LAMA4: variants seen among roughly 807,000 people sequenced by gnomAD.
LAMA4 encodes laminin subunit alpha 4, also known as laminin subunit alpha-4.
Under a neutral mutation model 207.1 loss-of-function variants are expected in LAMA4, and 127 were observed. The observed-to-expected ratio is 0.61, with a 90% confidence interval of 0.53 to 0.71. The LOEUF (loss-of-function observed/expected upper bound fraction) is 0.71, where lower values mean the gene tolerates loss of function less well. Among genes scored for constraint, LAMA4 ranks in the 30% least tolerant of loss-of-function variants. The pLI is 0.00. For missense variants in LAMA4, 2,093 were observed against 2,246.5 expected, an observed-to-expected ratio of 0.93 and a Z score of 1.38; for synonymous variants, 761 against 816.0, an observed-to-expected ratio of 0.93 and a Z score of 1.15.
At chr6:112,122,734 C>T (rs1421450691) in intron 31 of LAMA4, among the ~76,000 whole-genome samples, 3 of 152,132 alleles carry the variant, frequency 2.0e-5, no homozygotes, top group Non-Finnish European at 4.4e-5. Flanking sequence ...AATTTTTAAA[C>T]ACATTGTGCT....
At chr6:112,148,477 G>A in intron 17 of LAMA4, 141 bp from the exon 18 acceptor site, 1 of 770,658 alleles carries the variant, frequency 1.3e-6, no homozygotes. Context: ...GGATAACCAT[G>A]TGGCTCACCG....
Position 112,165,170 on chromosome 6 carries a change from T to C in LAMA4, c.1658A>G (p.Asp553Gly). 1 of 1,598,014 alleles carries C rather than the reference T, an allele frequency of 6.3e-7. No individual in the cohort carries two copies. Among genetic ancestry groups the C allele is most frequent in the Non-Finnish European group, 8.6e-7 (1 of 1,165,340 alleles). Residue 553 changes from aspartate to glycine, a missense_variant, in exon 13 of 39, where the codon GAT becomes GGT. Physicochemically the swap from Asp to Gly is moderately conservative, Grantham distance 94. Coordinates refer to ENST00000230538, the MANE Select transcript of LAMA4 (RefSeq NM_001105206.3). ...TPRLTLSELDDIIKNASGIYA... is the reference protein window; with the variant it reads ...TPRLTLSELDGIIKNASGIYA... ...CACGTGCGTCCTTACCTTTATTATATCATCAAGTTCTGAAAGAGTTAGACG... is the reference window on the plus strand; with the variant it reads ...CACGTGCGTCCTTACCTTTATTATACCATCAAGTTCTGAAAGAGTTAGACG...
chr6:112,184,378 G>A lies in LAMA4; in HGVS notation c.1077+859C>T, dbSNP rs534715834. Among the ~76,000 whole-genome samples the A allele has an allele frequency of 3.9e-4, 59 of 151,284 alleles. 1 individual carries two copies. In the South Asian group the frequency reaches 8.8e-3, roughly 22 times the overall value. ...TCTAATATGCTAAATATGGTGCCTC[G>A]TGACTTAGTTTGTAAAATTAGTATA... On this transcript the variant is annotated intron_variant, in intron 9 of 38. Transcript: ENST00000230538.
intron 16 of LAMA4, among the ~76,000 whole-genome samples, chr6:112,150,944 A>C (rs1562665960): frequency 1.3e-5 from 2 of 152,076 alleles, no homozygotes; most frequent in African/African-American, 4.8e-5. Context: ...AAAGAAAAAA[A>C]TCTCTCTCTC....
chr6:112,133,279 G>T, intron 27 of LAMA4, 70 bp downstream of exon 27: 1 of 1,536,644 alleles, frequency 6.5e-7, no homozygotes, highest in Non-Finnish European at 9.0e-7. Flanking sequence ...AAGCTGAAAA[G>T]AACTTTTCCA....
At chr6:112,124,471 CTT>C (rs1778560176) in intron 31 of LAMA4, among the ~76,000 whole-genome samples, 1 of 152,214 alleles carries the variant, frequency 6.6e-6, no homozygotes, top group Non-Finnish European at 1.5e-5. Context: ...CATTCACACT[CTT>C]AGTAATGATA....
intron 38 of LAMA4, among the ~76,000 whole-genome samples, chr6:112,111,179 G>C (rs150835207): frequency 6.6e-6 from 1 of 152,160 alleles, no homozygotes; most frequent in African/African-American, 2.4e-5. Flanking sequence ...TAGCTGGAGG[G>C]ATTACAGGCA....
Position 112,175,325 on chromosome 6 carries a change from C to T in LAMA4, c.1345G>A (p.Glu449Lys). 1 of 1,614,074 alleles carries T rather than the reference C, an allele frequency of 6.2e-7. No individual in the cohort carries two copies. The highest frequency in any genetic ancestry group is 8.5e-7 in the Non-Finnish European group (1 of 1,179,970). The change falls in exon 11 of 39, where the codon GAG becomes AAG. Residue 449 changes from glutamate to lysine, a missense_variant. Glu to Lys is a moderately conservative substitution (Grantham distance 56, BLOSUM62 1). Around this residue, in one of 3 missense-constraint regions of LAMA4, gnomAD observed 1,704 missense variants for 1,788.4 expected, o/e 0.95. Coordinates refer to ENST00000230538, the MANE Select transcript of LAMA4 (RefSeq NM_001105206.3). ...QRELVDEEADEAYELLSQAES... is the reference protein window; with the variant it reads ...QRELVDEEADKAYELLSQAES... The stretch of plus-strand genomic sequence containing the variant: ...GGAATACACCTACGTTCGTAAGCCT[C>T]ATCTGCCTCCTCATCCACGAGCTCC...
intron 8 of LAMA4, 150 bp from the exon 9 acceptor site, chr6:112,185,497 T>C: frequency 1.6e-6 from 1 of 637,058 alleles, no homozygotes; most frequent in Non-Finnish European, 2.8e-6. Context: ...CAGCCTGATA[T>C]GAAGGGTGGG....
rs782195545 is a variant in LAMA4, at chr6:112,158,894, T to C, written c.1669-14A>G. 2.6e-6 allele frequency: 4 copies of C among 1,558,104 alleles called. No homozygotes were observed. Among genetic ancestry groups the C allele is most frequent in the Non-Finnish European group, 3.5e-6 (4 of 1,130,494 alleles). On this transcript the variant is annotated splice_polypyrimidine_tract_variant and intron_variant, in intron 13 of 38. Transcript: ENST00000230538. ...CCCTGACGCATTCTAAAGAAAAAAA[T>C]TTTAATAAATACATTGAATTTAGAA... is the stretch of plus-strand genomic sequence containing the variant.
rs782815975 is a variant in LAMA4, at chr6:112,134,512, G to C, written c.3512C>G (p.Thr1171Arg). 2 of 1,613,020 alleles carry C rather than the reference G, an allele frequency of 1.2e-6. No individual in the cohort carries two copies. The highest frequency in any genetic ancestry group is 2.7e-5 in the African/African-American group (2 of 74,998). Reference protein sequence around the residue: ...MDNEKMKIPFTDIYIGGAPPE... With the variant: ...MDNEKMKIPFRDIYIGGAPPE... ...AGGAGCTCCTCCAATGTATATATCT[G>C]TAAAAGGTATTTTCATCTTTTCATT... The change falls in exon 26 of 39, where the codon ACA (threonine) becomes AGA (arginine). Residue 1171 changes from threonine (T) to arginine (R), a missense_variant. By Grantham distance (71) the Thr-to-Arg change is moderately conservative (BLOSUM62 -1). Coordinates refer to ENST00000230538, the MANE Select transcript of LAMA4 (RefSeq NM_001105206.3).
intron 4 of LAMA4, among the ~76,000 whole-genome samples, chr6:112,205,249 T>C (rs549397740): frequency 2.0e-5 from 3 of 152,312 alleles, no homozygotes; most frequent in East Asian, 3.9e-4. Flanking sequence ...AAAGGCAACA[T>C]CTACCTTATG....
At chr6:112,124,057 A>G (rs914174564) in intron 31 of LAMA4, among the ~76,000 whole-genome samples, 1 of 152,130 alleles carries the variant, frequency 6.6e-6, no homozygotes, top group Non-Finnish European at 1.5e-5. Flanking sequence ...CTCTATTTCA[A>G]TCCCAGTGGA....
At chr6:112,198,071 G>A (rs1183906645) in intron 5 of LAMA4, among the ~76,000 whole-genome samples, 4 of 152,292 alleles carry the variant, frequency 2.6e-5, no homozygotes, top group South Asian at 2.1e-4. Flanking sequence ...TCCCTAGTAT[G>A]AGAGTGTGGT....
chr6:112,148,381 T>C (rs781940596), intron 17 of LAMA4, 45 bp from the exon 18 acceptor site: 4 of 1,604,280 alleles, frequency 2.5e-6, no homozygotes, highest in Non-Finnish European at 3.4e-6. Flanking sequence ...AGAAGCCGGA[T>C]ATTTGTTGGG....
At chr6:112,129,709 C>G (rs1378489485) in intron 30 of LAMA4, among the ~76,000 whole-genome samples, 167 bp downstream of exon 30, 4 of 152,074 alleles carry the variant, frequency 2.6e-5, no homozygotes, top group African/African-American at 9.7e-5. Flanking sequence ...GGGCAAAGAA[C>G]CTACACAGAA....
intron 18 of LAMA4, among the ~76,000 whole-genome samples, chr6:112,145,922 G>T (rs1234120821): frequency 1.3e-5 from 2 of 151,966 alleles, no homozygotes; most frequent in African/African-American, 2.4e-5. Context: ...TGGGAAAAAA[G>T]GTAGGAAGAT....
chr6:112,160,945 T>C (rs147217019), intron 13 of LAMA4, among the ~76,000 whole-genome samples: 60 of 152,342 alleles, frequency 3.9e-4, no homozygotes, highest in African/African-American at 1.4e-3. Context: ...AAGCATGACA[T>C]CATCAGCTGA....
intron 5 of LAMA4, among the ~76,000 whole-genome samples, chr6:112,195,384 G>A (rs1456711142): frequency 2.0e-5 from 3 of 152,138 alleles, no homozygotes; most frequent in South Asian, 2.1e-4. Flanking sequence ...TAGAGAGTAA[G>A]GAATCATAAG....
Sources: allele counts gnomAD v4.1 joint callset (sites outside exome capture counted in the v4.1 genomes callset), GRCh38; gene constraint gnomAD v4.1.1; regional missense constraint gnomAD v4.1.1; transcripts MANE v1.5; gene names NCBI Gene and HGNC (gene_info 2026-07-23, HGNC 2026-07-21).